Variants in SEMA3D observed in about 807,000 individuals in gnomAD.
The protein encoded by SEMA3D is semaphorin 3D.
Under a neutral mutation model 100.1 loss-of-function variants are expected in SEMA3D, and 84 were observed. The ratio of observed to expected loss-of-function variants is 0.84; its 90% CI spans 0.70 to 1.01. The LOEUF (loss-of-function observed/expected upper bound fraction) is 1.01. Ranked by LOEUF, SEMA3D falls within the 50% of genes least tolerant of loss-of-function variation. SEMA3D has a pLI of 0.00. For missense variants in SEMA3D, 875 were observed against 934.1 expected (o/e 0.94, Z 0.82); for synonymous variants, 312 against 320.7 (o/e 0.97, Z 0.29).
At chr7:85,220,307 A>G in the SEMA3D span, among the ~76,000 whole-genome samples, 1 of 146,832 alleles carries the variant, frequency 6.8e-6, no homozygotes, top group East Asian at 2.0e-4. Context: ...AAAAATACAT[A>G]TGGGTGGCAG....
the SEMA3D span, among the ~76,000 whole-genome samples, chr7:85,194,720 T>C: frequency 6.6e-6 from 1 of 152,106 alleles, no homozygotes; most frequent in Admixed American, 6.5e-5. Context: ...GCAGGTAGCT[T>C]AACAAGAGAA....
chr7:85,161,511 G>T (rs1261032767), intron 1 of SEMA3D, among the ~76,000 whole-genome samples: 1 of 152,048 alleles, frequency 6.6e-6, no homozygotes, highest in Non-Finnish European at 1.5e-5. Flanking sequence ...ATGGCCTCTG[G>T]AGGGGCAAAG....
chr7:85,233,055 T>C, the SEMA3D span, among the ~76,000 whole-genome samples: 1 of 152,204 alleles, frequency 6.6e-6, no homozygotes. Context: ...ATTTAACTTA[T>C]TAAATTTAAC....
intron 4 of SEMA3D, among the ~76,000 whole-genome samples, chr7:85,086,269 G>T (rs1171445452): frequency 2.0e-5 from 3 of 151,946 alleles, no homozygotes; most frequent in Non-Finnish European, 4.4e-5. Context: ...ATATTGAAAA[G>T]ATGTCAGTTT....
At chr7:85,023,639 A>C (rs1790314838) in intron 12 of SEMA3D, among the ~76,000 whole-genome samples, 1 of 151,846 alleles carries the variant, frequency 6.6e-6, no homozygotes, top group African/African-American at 2.4e-5. Context: ...CATGGAACTG[A>C]ACCATTTAAA....
At chr7:85,086,015 A>G (rs1378874763) in intron 4 of SEMA3D, among the ~76,000 whole-genome samples, 1 of 152,222 alleles carries the variant, frequency 6.6e-6, no homozygotes, top group Admixed American at 6.5e-5. Flanking sequence ...TAAATGTTAT[A>G]TACAAGCACA....
At chr7:85,063,527 T>C (rs138401248) in intron 8 of SEMA3D, among the ~76,000 whole-genome samples, 1 of 152,336 alleles carries the variant, frequency 6.6e-6, no homozygotes, top group Admixed American at 6.5e-5. Context: ...ACAAATCTCT[T>C]GAGCTCTGTC....
At chr7:85,192,443 A>T in the SEMA3D span, among the ~76,000 whole-genome samples, 1 of 152,102 alleles carries the variant, frequency 6.6e-6, no homozygotes, top group South Asian at 2.1e-4. Context: ...ATCTGACTGT[A>T]ATTCCTTTGT....
the SEMA3D span, among the ~76,000 whole-genome samples, chr7:85,194,106 G>T: frequency 6.6e-6 from 1 of 152,034 alleles, no homozygotes; most frequent in Non-Finnish European, 1.5e-5. Context: ...TTTTTTTGTT[G>T]ATTCCTTCAG....
chr7:85,137,719 TC>T (rs1789908273), intron 2 of SEMA3D, among the ~76,000 whole-genome samples: 1 of 152,108 alleles, frequency 6.6e-6, no homozygotes, highest in Admixed American at 6.6e-5. Flanking sequence ...AAATATAAAC[TC>T]CCTAGGTTGG....
At chr7:85,014,043 A>G (rs1445048672) in intron 16 of SEMA3D, among the ~76,000 whole-genome samples, 1 of 151,814 alleles carries the variant, frequency 6.6e-6, no homozygotes, top group African/African-American at 2.4e-5. Flanking sequence ...TTTCAATTTA[A>G]TTCATGGATT....
chr7:85,042,421 G>A, intron 9 of SEMA3D, 136 bp from the exon 10 acceptor site: 1 of 645,436 alleles, frequency 1.5e-6, no homozygotes, highest in South Asian at 2.0e-5. Flanking sequence ...TTGAGTCCTT[G>A]AACTTTAAAA....
At chr7:85,195,592 A>G in the SEMA3D span, among the ~76,000 whole-genome samples, 2 of 152,110 alleles carry the variant, frequency 1.3e-5, no homozygotes, top group African/African-American at 4.8e-5. Context: ...AGCTGGGGCT[A>G]TAGGCATGGG....
chr7:85,217,858 T>C, the SEMA3D span, among the ~76,000 whole-genome samples: 127 of 152,258 alleles, frequency 8.3e-4, no homozygotes, highest in Non-Finnish European at 8.4e-4. Context: ...TTATTGTTGT[T>C]ATCATTTATA....
intron 1 of SEMA3D, chr7:85,157,621 A>T: frequency 1.0e-6 from 1 of 966,120 alleles, no homozygotes; most frequent in Non-Finnish European, 1.2e-6. Flanking sequence ...ATAAGTAAAT[A>T]AATTGCATCA....
chr7:85,115,568 CT>C (rs1789215572), intron 3 of SEMA3D, among the ~76,000 whole-genome samples: 2 of 152,004 alleles, frequency 1.3e-5, no homozygotes, highest in Admixed American at 1.3e-4. Flanking sequence ...CTTTCCATAT[CT>C]TTTTTTATTC....
At chr7:85,180,243 A>G (rs2116573173) in intron 1 of SEMA3D, among the ~76,000 whole-genome samples, 1 of 152,196 alleles carries the variant, frequency 6.6e-6, no homozygotes, top group African/African-American at 2.4e-5. Context: ...ACAAGACATA[A>G]GGGTTTTATA....
At chr7:85,230,296 C>G in the SEMA3D span, among the ~76,000 whole-genome samples, 1 of 152,168 alleles carries the variant, frequency 6.6e-6, no homozygotes, top group South Asian at 2.1e-4. Context: ...ATTGCTTGAA[C>G]ACTTACTATA....
At chr7:85,121,517 A>C (rs1789411884) in intron 3 of SEMA3D, among the ~76,000 whole-genome samples, 1 of 152,178 alleles carries the variant, frequency 6.6e-6, no homozygotes, top group Non-Finnish European at 1.5e-5. Flanking sequence ...GATCAAATTG[A>C]ATATTATAAA....
Sources: allele counts gnomAD v4.1 joint callset (sites outside exome capture counted in the v4.1 genomes callset), GRCh38; gene constraint gnomAD v4.1.1; transcripts MANE v1.5; gene names NCBI Gene and HGNC (gene_info 2026-07-23, HGNC 2026-07-21).